Variants in CPNE8 observed in about 807,000 individuals in gnomAD.
The protein encoded by CPNE8 is copine-8.
Under a neutral mutation model 81.5 loss-of-function variants are expected in CPNE8, and 45 were observed. The ratio of observed to expected loss-of-function variants is 0.55; its 90% CI spans 0.44 to 0.71. The LOEUF is 0.71. CPNE8 is among the 30% of genes least tolerant of loss of function. CPNE8 has a pLI of 0.00. For missense variants in CPNE8, 594 were observed against 672.1 expected (o/e 0.88, Z 1.28); for synonymous variants, 252 against 226.3 (o/e 1.11, Z -1.02).
chr12:38,671,742 T>C (rs1939181713), intron 18 of CPNE8, among the ~76,000 whole-genome samples: 1 of 152,108 alleles, frequency 6.6e-6, no homozygotes, highest in African/African-American at 2.4e-5. Flanking sequence ...TTCTTTACTC[T>C]TTTCTTCAGT....
In CPNE8 at chr12:38,731,298, C is replaced by A. The variant is rs554433165; in HGVS notation, c.723-940G>T. ...ATTTAAGCTCTGCCAATTTGTTTTGCAAATGCAAGCTATTCCTTGCCATAA... is the reference window on the plus strand; with the variant it reads ...ATTTAAGCTCTGCCAATTTGTTTTGAAAATGCAAGCTATTCCTTGCCATAA... On this transcript the variant is annotated intron_variant, in intron 10 of 19. Coordinates refer to ENST00000331366, the MANE Select transcript of CPNE8 (RefSeq NM_153634.3). 4.6e-5 allele frequency among the ~76,000 whole-genome samples: 7 copies of A among 151,990 alleles called. No homozygotes were observed. The South Asian group carries it at 1.2e-3, about 27-fold the overall frequency.
At position 38,724,841 on chromosome 12, in the gene CPNE8, C is replaced by G. The variant is rs754138915; in HGVS notation, c.852+5G>C. ...CTTTAATAAATAACATAAAATTTGA[C>G]TTACTGTTCCAGAATTAGTATATTT... On this transcript the variant is annotated splice_donor_5th_base_variant and intron_variant, in intron 12 of 19. Coordinates refer to ENST00000331366, the MANE Select transcript of CPNE8 (RefSeq NM_153634.3). The G allele has an allele frequency of 7.0e-7, 1 of 1,436,102 alleles. No homozygotes were observed. The highest frequency in any genetic ancestry group is 2.3e-5 in the East Asian group (1 of 42,954). The allele number at this position is 1,436,102 out of a possible 1,614,324, so 89.0% of individuals were successfully genotyped here.
intron 13 of CPNE8, among the ~76,000 whole-genome samples, chr12:38,708,861 C>T (rs1303635230): frequency 6.6e-6 from 1 of 152,150 alleles, no homozygotes; most frequent in South Asian, 2.1e-4. Context: ...GAATTAATTA[C>T]AGAGAACTAA....
intron 4 of CPNE8, among the ~76,000 whole-genome samples, chr12:38,847,943 T>C (rs914748900): frequency 5.3e-5 from 8 of 152,056 alleles, no homozygotes; most frequent in African/African-American, 1.7e-4. Flanking sequence ...TTTAACCATA[T>C]CCAGATACTT....
chr12:38,755,932 C>CG (rs1259960005), intron 10 of CPNE8, among the ~76,000 whole-genome samples: 4 of 147,628 alleles, frequency 2.7e-5, no homozygotes, highest in Non-Finnish European at 4.5e-5. Context: ...CCCAGCTACT[C>CG]GGGAGGCTGA....
rs562316675 is a variant in CPNE8 at position 38,707,162 on chromosome 12, A to G, written c.915-4241T>C. On this transcript the variant is annotated intron_variant, in intron 13 of 19. Coordinates refer to ENST00000331366, the MANE Select transcript of CPNE8 (RefSeq NM_153634.3). The stretch of plus-strand genomic sequence containing the variant: ...GACCCAGTCTGTATAGAAATTTTAA[A>G]AAATAACCAGGTTGGGTGGTGTACA... Among the ~76,000 whole-genome samples, 11 of 152,154 alleles carry G rather than the reference A, an allele frequency of 7.2e-5. No homozygotes were observed. The East Asian group carries it at 1.7e-3, about 24-fold the overall frequency.
chr12:38,745,211 T>A (rs1615569), intron 10 of CPNE8, among the ~76,000 whole-genome samples: 221 of 152,206 alleles, frequency 1.5e-3, no homozygotes, highest in African/African-American at 4.9e-3. Flanking sequence ...AGCAGAACTC[T>A]TCACCCACAA....
chr12:38,829,745 T>A (rs1325754183), intron 5 of CPNE8, among the ~76,000 whole-genome samples: 3 of 152,050 alleles, frequency 2.0e-5, no homozygotes, highest in Non-Finnish European at 4.4e-5. Context: ...AAGTTGGAGG[T>A]TTTGAATGCA....
At chr12:38,706,457 A>G (rs1940109046) in intron 13 of CPNE8, among the ~76,000 whole-genome samples, 1 of 152,178 alleles carries the variant, frequency 6.6e-6, no homozygotes, top group South Asian at 2.1e-4. Flanking sequence ...AGATATAGAC[A>G]GTAAATATTC....
intron 6 of CPNE8, among the ~76,000 whole-genome samples, chr12:38,793,671 C>T (rs747499104): frequency 1.1e-4 from 17 of 151,702 alleles, no homozygotes; most frequent in Non-Finnish European, 2.2e-4. Context: ...TATGTAATTC[C>T]TACCAAAATG....
At chr12:38,772,423 A>G (rs150401847) in intron 7 of CPNE8, among the ~76,000 whole-genome samples, 1 of 152,312 alleles carries the variant, frequency 6.6e-6, no homozygotes. Context: ...AATAAAAATA[A>G]AAAATAGAAA....
At position 38,693,742 on chromosome 12, in the gene CPNE8, T is replaced by C; in HGVS notation, c.1058A>G (p.Asp353Gly). The C allele has an allele frequency of 6.2e-7, 1 of 1,613,788 alleles. No homozygotes were observed. Among genetic ancestry groups the C allele is most frequent in the Non-Finnish European group, 8.5e-7 (1 of 1,179,790 alleles). The change falls in exon 15 of 20, where the codon GAT becomes GGT. Residue 353 changes from aspartate to glycine, a missense_variant. Physicochemically the swap from Asp to Gly is moderately conservative, Grantham distance 94. Transcript: ENST00000331366. ...TGGAAACATTTTATCACTGTCATAA[T>C]CTTGAACAATTTCTCCCACTGCTTT... The part of the protein sequence containing the change: ...ALKAVGEIVQ[D>G]YDSDKMFPAL...
At chr12:38,771,710 C>T (rs550987340) in intron 7 of CPNE8, among the ~76,000 whole-genome samples, 37 of 152,140 alleles carry the variant, frequency 2.4e-4, no homozygotes, top group African/African-American at 6.3e-4. Flanking sequence ...TAATAATATT[C>T]CCATTTTTAG....
rs551763626 is a variant in CPNE8, at chr12:38,880,646, T to A, written c.99-6135A>T. Among the ~76,000 whole-genome samples, 11 of 152,320 alleles carry A rather than the reference T, an allele frequency of 7.2e-5. No individual in the cohort carries two copies. The East Asian group carries it at 1.2e-3, about 16-fold the overall frequency. ...TTGTATGTATATATATTTTTTAATG[T>A]ACATACACACAAAATGGTTTTCAGA... On this transcript the variant is annotated intron_variant, in intron 1 of 19. Transcript: ENST00000331366.
At chr12:38,880,952 T>C (rs1944145366) in intron 1 of CPNE8, among the ~76,000 whole-genome samples, 1 of 152,128 alleles carries the variant, frequency 6.6e-6, no homozygotes, top group African/African-American at 2.4e-5. Flanking sequence ...GGCTCATGCC[T>C]GTAATCCCAG....
intron 6 of CPNE8, among the ~76,000 whole-genome samples, chr12:38,822,481 T>C (rs1943122445): frequency 6.6e-6 from 1 of 152,188 alleles, no homozygotes; most frequent in African/African-American, 2.4e-5. Context: ...CTATTTTTAA[T>C]AAAAACAATG....
At chr12:38,671,864 A>G (rs1437083238) in intron 18 of CPNE8, among the ~76,000 whole-genome samples, 1 of 152,066 alleles carries the variant, frequency 6.6e-6, no homozygotes, top group Non-Finnish European at 1.5e-5. Flanking sequence ...ATTAACAGAG[A>G]GCTACTGTTC....
intron 5 of CPNE8, among the ~76,000 whole-genome samples, chr12:38,839,467 C>G (rs553450206): frequency 1.3e-5 from 2 of 152,040 alleles, no homozygotes; most frequent in African/African-American, 4.8e-5. Flanking sequence ...CCCTCTGAAA[C>G]TAGCACAATG....
At chr12:38,802,580 A>C (rs911638306) in intron 6 of CPNE8, among the ~76,000 whole-genome samples, 29 of 138,292 alleles carry the variant, frequency 2.1e-4, no homozygotes, top group African/African-American at 6.9e-4. Context: ...TTGACACCCT[A>C]ACATCACAAT....
Sources: allele counts gnomAD v4.1 joint callset (sites outside exome capture counted in the v4.1 genomes callset), GRCh38; gene constraint gnomAD v4.1.1; transcripts MANE v1.5; gene names NCBI Gene and HGNC (gene_info 2026-07-23, HGNC 2026-07-21).